RBM25: variants seen among roughly 807,000 people sequenced by gnomAD.
RBM25 encodes RNA-binding protein 25.
In RBM25, 19 loss-of-function variants were observed where a neutral mutation model predicts 120.7. That is an observed-to-expected ratio of 0.16 (90% CI 0.11 to 0.23). RBM25 has a LOEUF of 0.23. Ranked by LOEUF, RBM25 falls within the 10% of genes least tolerant of loss-of-function variation. RBM25 has a pLI of 1.00. For synonymous variants in RBM25, 390 were observed against 326.7 expected, an observed-to-expected ratio of 1.19 and a Z score of -2.09; for missense variants, 605 against 1,041.5, an observed-to-expected ratio of 0.58 and a Z score of 5.77.
In RBM25 at chr14:73,069,744, C is replaced by CT. The variant is rs1895230650; in HGVS notation, c.-15-1881dup. 1.5e-3 allele frequency: 21 copies of CT among 13,562 alleles called. 1 individual carries two copies. The highest frequency in any genetic ancestry group is 4.9e-3 in the African/African-American group (20 of 4,112). 0.8% of individuals were successfully genotyped at this position (13,562 alleles called of 1,614,324 possible). ...CCACCGTGCCTGGCCGACCCTGTTTCTTAAAAAAAAAAAAAAAAAAAAAAA... is the reference window on the plus strand; with the variant it reads ...CCACCGTGCCTGGCCGACCCTGTTTCTTTAAAAAAAAAAAAAAAAAAAAAAA... On this transcript the variant is annotated intron_variant, in intron 1 of 18. Transcript: ENST00000261973.
chr14:73,092,448 G>T (rs1895840051), intron 6 of RBM25, among the ~76,000 whole-genome samples: 1 of 152,002 alleles, frequency 6.6e-6, no homozygotes, highest in South Asian at 2.1e-4. Context: ...GCTTTATTAG[G>T]CATTTTCCTC....
In RBM25 at chr14:73,112,044, A is replaced by G. The variant is rs1896320278; in HGVS notation, c.2293-108A>G. 8.6e-7 allele frequency: 1 copy of G among 1,161,294 alleles called. No individual in the cohort carries two copies. The highest frequency in any genetic ancestry group is 1.2e-6 in the Non-Finnish European group (1 of 803,090). The allele number at this position is 1,161,294 out of a possible 1,614,324, so 71.9% of individuals were successfully genotyped here. On this transcript the variant is annotated intron_variant, in intron 16 of 18. Coordinates refer to ENST00000261973, the MANE Select transcript of RBM25 (RefSeq NM_021239.3). ...CTTGATACATATCTGTCTTAGTTCA[A>G]CTTGTGAAATAACATTATATTTTAG...
chr14:73,101,055 A>T (rs910351348), intron 9 of RBM25: 3 of 152,178 alleles, frequency 2.0e-5, no homozygotes, highest in African/African-American at 7.2e-5. Flanking sequence ...AAAATTCAAA[A>T]ATATATTTGC....
Position 73,103,129 on chromosome 14 carries a change from C to T in RBM25, c.868-63C>T, listed in dbSNP as rs561025624. ...TTGTTCCCAGTACTGGGCTTTGCGC[C>T]GGGAAAAATCTGAATACTGGAGCTA... On this transcript the variant is annotated intron_variant, in intron 9 of 18. Transcript: ENST00000261973. 4.3e-5 allele frequency: 67 copies of T among 1,553,164 alleles called. No individual in the cohort carries two copies. In the East Asian group the frequency reaches 8.8e-4, roughly 20 times the overall value.
At chr14:73,118,479 GAA>G (rs79313770) in intron 18 of RBM25, among the ~76,000 whole-genome samples, 13 of 123,328 alleles carry the variant, frequency 1.1e-4, no homozygotes, top group Non-Finnish European at 1.9e-4. Flanking sequence ...CCTGTCTCCA[GAA>G]AAAAAAAAAA....
chr14:73,082,963 C>G (rs1465197427), intron 4 of RBM25, among the ~76,000 whole-genome samples: 1 of 151,744 alleles, frequency 6.6e-6, no homozygotes, highest in Non-Finnish European at 1.5e-5. Flanking sequence ...GCATGTAGTC[C>G]CAGCTACTTA....
intron 12 of RBM25, 106 bp from the exon 13 acceptor site, chr14:73,107,720 C>A: frequency 1.3e-6 from 1 of 794,814 alleles, no homozygotes; most frequent in Non-Finnish European, 2.1e-6. Context: ...CTCCCTCTTA[C>A]TCTTGGTTTA....
chr14:73,121,025 C>T lies in RBM25; in HGVS notation c.*1220C>T, dbSNP rs990333518. 3.9e-5 allele frequency: 6 copies of T among 152,020 alleles called. No individual in the cohort carries two copies. Among genetic ancestry groups the T allele is most frequent in the Non-Finnish European group, 5.9e-5 (4 of 67,976 alleles). 9.4% of individuals were successfully genotyped at this position (152,020 alleles called of 1,614,324 possible). A position where few individuals can be genotyped will look rare whatever the true frequency, so the allele number is the denominator to read the frequency against. Reference sequence around the variant, plus strand: ...TTAGAGAAATTCCTGGGGCTTTCTTCGTTGTAGATCAGAATTTCACCAGGG... The same window carrying T: ...TTAGAGAAATTCCTGGGGCTTTCTTTGTTGTAGATCAGAATTTCACCAGGG... On this transcript the variant is annotated 3_prime_UTR_variant, in exon 19 of 19. Transcript: ENST00000261973.
rs1023439810 is a variant in RBM25, at chr14:73,117,934, GCAGAT to G, written c.2440-1778_2440-1774del. Among the ~76,000 whole-genome samples, 58 of 152,284 alleles carry G rather than the reference GCAGAT, an allele frequency of 3.8e-4. 1 individual carries two copies. Among genetic ancestry groups the G allele is most frequent in the Admixed American group, 4.6e-4 (7 of 15,294 alleles). The stretch of plus-strand genomic sequence containing the variant: ...CTCATAGCAGCCATAATGTAGAGGG[GCAGAT>G]GTGTGTATGGGATGATGGCAGGAAT... On this transcript the variant is annotated intron_variant, in intron 18 of 18. Coordinates refer to ENST00000261973, the MANE Select transcript of RBM25 (RefSeq NM_021239.3).
intron 1 of RBM25, chr14:73,064,886 TC>T (rs1295252027): frequency 6.6e-6 from 1 of 151,280 alleles, no homozygotes; most frequent in African/African-American, 2.4e-5. Context: ...TCTGGTTAAC[TC>T]TGCAGAATGA....
At chr14:73,073,602 C>T (rs1347435050) in intron 2 of RBM25, among the ~76,000 whole-genome samples, 1 of 151,998 alleles carries the variant, frequency 6.6e-6, no homozygotes, top group Non-Finnish European at 1.5e-5. Flanking sequence ...GCAGGAGAAT[C>T]GCTTGAAACT....
chr14:73,072,280 T>A (rs1238330163), intron 2 of RBM25, among the ~76,000 whole-genome samples: 8 of 151,990 alleles, frequency 5.3e-5, no homozygotes, highest in African/African-American at 1.7e-4. Flanking sequence ...CTAAAAATTC[T>A]ATATTTAAAA....
intron 5 of RBM25, among the ~76,000 whole-genome samples, chr14:73,086,677 CTA>C (rs1895692884): frequency 1.3e-5 from 2 of 152,162 alleles, no homozygotes; most frequent in Admixed American, 6.5e-5. Context: ...AACATTGACA[CTA>C]TCATCAGCAA....
intron 14 of RBM25, 144 bp downstream of exon 14, chr14:73,109,636 A>G (rs1896263801): frequency 1.3e-6 from 1 of 743,402 alleles, no homozygotes; most frequent in Non-Finnish European, 2.0e-6. Flanking sequence ...TATTAAAAAT[A>G]CAAAAGATTA....
intron 12 of RBM25, chr14:73,107,530 A>G (rs1896216856): frequency 7.1e-6 from 2 of 280,128 alleles, no homozygotes; most frequent in Non-Finnish European, 1.3e-5. Flanking sequence ...TTTTCTCTAT[A>G]GAAAATAATA....
chr14:73,087,010 G>A (rs1393498188), intron 5 of RBM25, among the ~76,000 whole-genome samples: 1 of 151,658 alleles, frequency 6.6e-6, no homozygotes, highest in Non-Finnish European at 1.5e-5. Context: ...CGGCCTAAAG[G>A]TACTTTTTTG....
At chr14:73,104,007 C>CACTA in intron 10 of RBM25, among the ~76,000 whole-genome samples, 1 of 151,154 alleles carries the variant, frequency 6.6e-6, no homozygotes, top group South Asian at 2.1e-4. Flanking sequence ...CTCTCTCTCT[C>CACTA]TCTCTCTCTC....
intron 1 of RBM25, chr14:73,059,545 G>A (rs1367513098): frequency 6.6e-6 from 1 of 152,132 alleles, no homozygotes; most frequent in Admixed American, 6.6e-5. Flanking sequence ...TTTGATACTG[G>A]GCAGAGTGGA....
At chr14:73,059,798 C>T (rs1248233886) in intron 1 of RBM25, among the ~76,000 whole-genome samples, 1 of 151,998 alleles carries the variant, frequency 6.6e-6, no homozygotes, top group Non-Finnish European at 1.5e-5. Flanking sequence ...AACTTAAAGC[C>T]TTGGTTTTTC....
Sources: gnomAD v4.1 joint callset for allele counts (sites outside exome capture counted in the v4.1 genomes callset) on GRCh38, gnomAD v4.1.1 for gene constraint, MANE v1.5 for transcripts, NCBI Gene and HGNC (gene_info 2026-07-23, HGNC 2026-07-21) for gene names.